Variants in LRMDA observed in about 807,000 individuals in gnomAD.
LRMDA encodes the protein leucine-rich melanocyte differentiation-associated protein.
In LRMDA, 18 loss-of-function variants were observed where a neutral mutation model predicts 29.8. The observed-to-expected ratio is 0.60, with a 90% CI of 0.42 to 0.90. LRMDA has a LOEUF of 0.90. LRMDA is among the 40% of genes least tolerant of loss of function. The pLI is 0.00. For synonymous variants in LRMDA, 125 were observed against 109.4 expected (o/e 1.14, Z -0.89); for missense variants, 273 against 273.9 (o/e 1.00, Z 0.02).
Position 76,239,818 on chromosome 10 carries a change from C to T in LRMDA, c.517-84583C>T, listed in dbSNP as rs1852237539. Among the ~76,000 whole-genome samples, 9 of 151,964 alleles carry T rather than the reference C, an allele frequency of 5.9e-5. No individual in the cohort carries two copies. In the South Asian group the frequency reaches 1.9e-3, roughly 32 times the overall value. ...CTGTATACTTCCTATTGCATTACCT[C>T]CTGAGATGCATAATTAATATCTGAT... On this transcript the variant is annotated intron_variant, in intron 5 of 6. Coordinates refer to ENST00000611255, the MANE Select transcript of LRMDA (RefSeq NM_001305581.2).
intron 2 of LRMDA, among the ~76,000 whole-genome samples, chr10:75,453,415 G>A (rs370370560): frequency 6.6e-6 from 1 of 152,194 alleles, no homozygotes; most frequent in South Asian, 2.1e-4. Context: ...TAAAATTAAA[G>A]TTGTGCTAAT....
chr10:75,953,817 C>G (rs1419658932), intron 2 of LRMDA, among the ~76,000 whole-genome samples: 2 of 152,120 alleles, frequency 1.3e-5, no homozygotes, highest in Non-Finnish European at 2.9e-5. Flanking sequence ...TCCTTGTCCC[C>G]TAGTGCCCAG....
At chr10:75,492,754 A>G (rs935422579) in intron 2 of LRMDA, among the ~76,000 whole-genome samples, 1 of 152,220 alleles carries the variant, frequency 6.6e-6, no homozygotes, top group Admixed American at 6.5e-5. Flanking sequence ...TGTTATCTAC[A>G]TATGTCTATA....
chr10:76,487,025 C>G (rs1353437621), intron 6 of LRMDA, among the ~76,000 whole-genome samples: 1 of 151,930 alleles, frequency 6.6e-6, no homozygotes, highest in African/African-American at 2.4e-5. Context: ...TAAGGGCAAT[C>G]TACTCTTACT....
At chr10:76,358,941 G>A (rs557949685) in intron 6 of LRMDA, among the ~76,000 whole-genome samples, 5 of 152,246 alleles carry the variant, frequency 3.3e-5, no homozygotes, top group African/African-American at 9.6e-5. Flanking sequence ...CGTCCCGCTG[G>A]AACTGTGTGC....
intron 2 of LRMDA, among the ~76,000 whole-genome samples, chr10:75,719,617 A>G (rs1462357802): frequency 6.6e-6 from 1 of 152,192 alleles, no homozygotes; most frequent in Non-Finnish European, 1.5e-5. Flanking sequence ...GGGGCCAAGA[A>G]GCAGAATCTT....
At chr10:76,514,204 G>T (rs2132354474) in intron 6 of LRMDA, among the ~76,000 whole-genome samples, 1 of 152,266 alleles carries the variant, frequency 6.6e-6, no homozygotes, top group Non-Finnish European at 1.5e-5. Flanking sequence ...AGGCACAGTA[G>T]GACTCAGCAA....
chr10:75,594,531 G>A (rs1453407603), intron 2 of LRMDA, among the ~76,000 whole-genome samples: 1 of 152,102 alleles, frequency 6.6e-6, no homozygotes. Flanking sequence ...TACACATAAG[G>A]CATCATATGG....
intron 2 of LRMDA, among the ~76,000 whole-genome samples, chr10:75,947,641 T>C (rs1846499703): frequency 6.6e-6 from 1 of 152,216 alleles, no homozygotes; most frequent in Non-Finnish European, 1.5e-5. Context: ...AGTTTTCTCC[T>C]TTTAAAATGA....
intron 3 of LRMDA, among the ~76,000 whole-genome samples, chr10:76,043,872 G>C (rs1848382465): frequency 6.6e-6 from 1 of 152,180 alleles, no homozygotes; most frequent in Non-Finnish European, 1.5e-5. Flanking sequence ...TCATACAGCA[G>C]ACAGAAAAAA....
intron 6 of LRMDA, among the ~76,000 whole-genome samples, chr10:76,489,487 A>G (rs1477964324): frequency 1.3e-5 from 2 of 151,110 alleles, no homozygotes. Flanking sequence ...GATCTTTTGT[A>G]TTGTTTTTGC....
rs534521506 is a variant in LRMDA at position 75,526,043 on chromosome 10, A to G, written c.131+87549A>G. Reference sequence around the variant, plus strand: ...ATATTTGTTGACTTTATATATTATTATTATTTTATTTATTTATTTATTATT... The same window carrying G: ...ATATTTGTTGACTTTATATATTATTGTTATTTTATTTATTTATTTATTATT... On this transcript the variant is annotated intron_variant, in intron 2 of 6. Coordinates refer to ENST00000611255, the MANE Select transcript of LRMDA (RefSeq NM_001305581.2). Among the ~76,000 whole-genome samples the G allele has an allele frequency of 4.6e-5, 7 of 151,200 alleles. No homozygotes were observed. The South Asian group carries it at 1.5e-3, about 31-fold the overall frequency.
intron 2 of LRMDA, among the ~76,000 whole-genome samples, chr10:75,791,727 G>T (rs1328715043): frequency 2.0e-5 from 3 of 152,132 alleles, no homozygotes; most frequent in East Asian, 1.9e-4. Flanking sequence ...TACCAGGTTT[G>T]TCATCAGCCC....
At chr10:75,679,052 T>TGAAGGTC (rs1841994749) in intron 2 of LRMDA, among the ~76,000 whole-genome samples, 1 of 152,146 alleles carries the variant, frequency 6.6e-6, no homozygotes, top group Non-Finnish European at 1.5e-5. Context: ...GCCCTCCTCC[T>TGAAGGTC]CTAAGTGAAG....
intron 6 of LRMDA, chr10:76,396,585 A>G (rs1841786806): frequency 6.6e-6 from 1 of 152,178 alleles, no homozygotes; most frequent in Admixed American, 6.5e-5. Flanking sequence ...CCTGGAAAGG[A>G]CTCAGGTGAG....
In LRMDA at chr10:76,521,232, C is replaced by T. The variant is rs551281532; in HGVS notation, c.602-35977C>T. ...CACTGCAAGCTCCACCTCCCGGGTT[C>T]ATGCCATTCTCCTGCCTCAGCCTCC... On this transcript the variant is annotated intron_variant, in intron 6 of 6. Coordinates refer to ENST00000611255, the MANE Select transcript of LRMDA (RefSeq NM_001305581.2). 1.2e-4 allele frequency among the ~76,000 whole-genome samples: 18 copies of T among 151,158 alleles called. No individual in the cohort carries two copies. In the East Asian group the frequency reaches 3.6e-3, roughly 30 times the overall value.
intron 2 of LRMDA, among the ~76,000 whole-genome samples, chr10:75,522,311 T>C (rs1845371160): frequency 6.6e-6 from 1 of 152,196 alleles, no homozygotes; most frequent in African/African-American, 2.4e-5. Flanking sequence ...CAAACACAGA[T>C]GGTTGGACTG....
intron 2 of LRMDA, among the ~76,000 whole-genome samples, chr10:75,788,842 A>G (rs1459263382): frequency 6.6e-6 from 1 of 152,268 alleles, no homozygotes; most frequent in East Asian, 1.9e-4. Flanking sequence ...CCCACTTTGT[A>G]TTCCACAGAC....
chr10:75,949,516 C>T (rs1170211361), intron 2 of LRMDA, among the ~76,000 whole-genome samples: 1 of 152,092 alleles, frequency 6.6e-6, no homozygotes, highest in African/African-American at 2.4e-5. Flanking sequence ...TTCCTAGGCA[C>T]AAGGGTTGGG....
Sources: allele counts gnomAD v4.1 joint callset (sites outside exome capture counted in the v4.1 genomes callset), GRCh38; gene constraint gnomAD v4.1.1; transcripts MANE v1.5; gene names NCBI Gene and HGNC (gene_info 2026-07-23, HGNC 2026-07-21).